The following CNTLN variants were observed in gnomAD, a reference collection of about 807,000 sequenced individuals.
CNTLN encodes the protein centlein, also known as centlein, centrosomal protein.
CNTLN carries 212 observed loss-of-function variants against 180.0 expected under a neutral mutation model. That is an observed-to-expected ratio of 1.18 (90% CI 1.05 to 1.32). The LOEUF is 1.32. Among genes scored for constraint, CNTLN ranks in the 40% most tolerant of loss-of-function variants. The pLI is 0.00. For synonymous variants in CNTLN, 722 were observed against 563.1 expected (o/e 1.28, Z -3.99); for missense variants, 2,095 against 1,610.9 (o/e 1.30, Z -5.14).
rs892195804 is a variant in CNTLN at position 17,440,461 on chromosome 9, C to T, written c.3115-17063C>T. 1.7e-4 allele frequency among the ~76,000 whole-genome samples: 25 copies of T among 148,754 alleles called. No individual in the cohort carries two copies. In the East Asian group the frequency reaches 2.0e-3, roughly 12 times the overall value. ...AAAATGAGCCGGGCGTAGTGGCAGG[C>T]GCCTGTAATCCCAGCTATTCGAGAG... On this transcript the variant is annotated intron_variant, in intron 18 of 25. Transcript: ENST00000380647.
Position 17,135,213 on chromosome 9 carries a change from G to C in CNTLN, c.148G>C (p.Ala50Pro). Reference protein sequence around the residue: ...GFAGAAREVVADESDKIWVGE... With the variant: ...GFAGAAREVVPDESDKIWVGE... ...TGCCGGCGCAGCGCGGGAGGTGGTC[G>C]CGGACGAAAGTGATAAAATCTGGGT... Residue 50 changes from alanine to proline, a missense_variant, in exon 1 of 26, where the codon GCG (alanine) becomes CCG (proline). Ala to Pro is a conservative substitution (Grantham distance 27). Coordinates refer to ENST00000380647, the MANE Select transcript of CNTLN (RefSeq NM_017738.4). 6.2e-7 allele frequency: 1 copy of C among 1,610,392 alleles called. No homozygotes were observed. The highest frequency in any genetic ancestry group is 8.5e-7 in the Non-Finnish European group (1 of 1,178,794).
At chr9:17,395,248 A>G (rs1826430362) in intron 15 of CNTLN, among the ~76,000 whole-genome samples, 179 bp downstream of exon 15, 1 of 152,210 alleles carries the variant, frequency 6.6e-6, no homozygotes, top group Non-Finnish European at 1.5e-5. Context: ...TGCATGCAAA[A>G]TTAGCCACAA....
At chr9:17,320,632 A>G (rs761064970) in intron 8 of CNTLN, among the ~76,000 whole-genome samples, 3 of 151,814 alleles carry the variant, frequency 2.0e-5, no homozygotes, top group Non-Finnish European at 2.9e-5. Flanking sequence ...CCTCCCAGGT[A>G]GCTGGGATTA....
chr9:17,490,306 T>C (rs906957453), intron 25 of CNTLN, among the ~76,000 whole-genome samples: 1 of 152,040 alleles, frequency 6.6e-6, no homozygotes, highest in African/African-American at 2.4e-5. Flanking sequence ...CAGATTGTGA[T>C]CTACATTCTA....
chr9:17,495,798 C>G (rs1833422199), intron 25 of CNTLN, among the ~76,000 whole-genome samples: 1 of 152,138 alleles, frequency 6.6e-6, no homozygotes, highest in Non-Finnish European at 1.5e-5. Flanking sequence ...GGTAAGTGTC[C>G]TATTCACGGG....
chr9:17,485,083 G>T (rs892846880), intron 24 of CNTLN, among the ~76,000 whole-genome samples: 4 of 152,132 alleles, frequency 2.6e-5, no homozygotes, highest in African/African-American at 7.2e-5. Flanking sequence ...CATAGCCACT[G>T]CCTCATAACA....
At chr9:17,318,038 T>C (rs1194848651) in intron 8 of CNTLN, among the ~76,000 whole-genome samples, 3 of 151,484 alleles carry the variant, frequency 2.0e-5, no homozygotes, top group Non-Finnish European at 4.4e-5. Flanking sequence ...CTTTTTTTTT[T>C]TTTTTTTGAG....
chr9:17,400,326 A>G lies in CNTLN; in HGVS notation c.2615+5257A>G, dbSNP rs151154828. ...CTAATTTTTTGTATCTTTACTAGAG[A>G]TGAGGTTTCACCATGTTGGCCAGGC... On this transcript the variant is annotated intron_variant, in intron 15 of 25. Transcript: ENST00000380647. Among the ~76,000 whole-genome samples the G allele has an allele frequency of 3.3e-5, 5 of 152,234 alleles. No individual in the cohort carries two copies. The East Asian group carries it at 9.7e-4, about 29-fold the overall frequency.
At chr9:17,477,365 C>G (rs1401073391) in intron 23 of CNTLN, among the ~76,000 whole-genome samples, 1 of 152,066 alleles carries the variant, frequency 6.6e-6, no homozygotes, top group Non-Finnish European at 1.5e-5. Context: ...ACTTTAAAGT[C>G]TTATTATTTA....
At chr9:17,177,751 T>TCTTTTACA (rs1820817444) in intron 2 of CNTLN, among the ~76,000 whole-genome samples, 1 of 151,874 alleles carries the variant, frequency 6.6e-6, no homozygotes, top group Admixed American at 6.6e-5. Flanking sequence ...TCGCGGTGAG[T>TCTTTTACA]GTTACAGCTC....
intron 21 of CNTLN, 83 bp from the exon 22 acceptor site, chr9:17,465,898 T>C (rs1447624811): frequency 9.9e-7 from 1 of 1,005,832 alleles, no homozygotes; most frequent in Non-Finnish European, 1.4e-6. Flanking sequence ...ACTCATTCAC[T>C]CATTTAGTTT....
intron 2 of CNTLN, among the ~76,000 whole-genome samples, chr9:17,154,149 A>C (rs1819093760): frequency 6.6e-6 from 1 of 152,104 alleles, no homozygotes; most frequent in Non-Finnish European, 1.5e-5. Flanking sequence ...TCTGAAGCCT[A>C]CTTCTGTCAG....
chr9:17,393,285 AT>A (rs917809742), intron 14 of CNTLN, among the ~76,000 whole-genome samples: 1 of 152,170 alleles, frequency 6.6e-6, no homozygotes, highest in African/African-American at 2.4e-5. Flanking sequence ...CAACATATGA[AT>A]TTTGTGAGGG....
intron 7 of CNTLN, among the ~76,000 whole-genome samples, chr9:17,308,757 C>T (rs991198924): frequency 6.6e-6 from 1 of 151,800 alleles, no homozygotes; most frequent in African/African-American, 2.4e-5. Flanking sequence ...TTTTCTTCCT[C>T]AGAAATTTGG....
chr9:17,231,023 T>C (rs895830745), intron 3 of CNTLN, among the ~76,000 whole-genome samples: 1 of 152,150 alleles, frequency 6.6e-6, no homozygotes, highest in Non-Finnish European at 1.5e-5. Context: ...TTCATGTCTG[T>C]CTCTTCAATT....
rs554795247 is a variant in CNTLN, at chr9:17,265,896, A to AT, written c.850-7831dup. Among the ~76,000 whole-genome samples, 314 of 151,898 alleles carry AT rather than the reference A, an allele frequency of 2.1e-3. 5 individuals are homozygous for AT. Among genetic ancestry groups the AT allele is most frequent in the Non-Finnish European group, 1.1e-3 (76 of 67,982 alleles). ...GATCGGTGGTGATATCCCCTTTATC[A>AT]TTTTTTATTGCATCTATTTGATTCT... On this transcript the variant is annotated intron_variant, in intron 5 of 25. Transcript: ENST00000380647.
chr9:17,398,138 G>T (rs1453484686), intron 15 of CNTLN, among the ~76,000 whole-genome samples: 1 of 152,042 alleles, frequency 6.6e-6, no homozygotes, highest in Non-Finnish European at 1.5e-5. Flanking sequence ...TTCAGTGATG[G>T]GTTTTATCAG....
At chr9:17,292,607 T>A (rs902284536) in intron 6 of CNTLN, among the ~76,000 whole-genome samples, 1 of 152,192 alleles carries the variant, frequency 6.6e-6, no homozygotes, top group African/African-American at 2.4e-5. Context: ...TTGATACTTA[T>A]GGTTGCATTG....
At chr9:17,185,986 C>G (rs906898126) in intron 2 of CNTLN, among the ~76,000 whole-genome samples, 3 of 152,024 alleles carry the variant, frequency 2.0e-5, no homozygotes, top group Admixed American at 1.3e-4. Flanking sequence ...AGAGGCAGGT[C>G]TCACTGTGTT....
Sources: allele counts gnomAD v4.1 joint callset (sites outside exome capture counted in the v4.1 genomes callset), GRCh38; gene constraint gnomAD v4.1.1; transcripts MANE v1.5; gene names NCBI Gene and HGNC (gene_info 2026-07-23, HGNC 2026-07-21).